Variants in IPO9 observed in about 807,000 individuals in gnomAD.
IPO9 encodes the protein importin 9.
Under a neutral mutation model 128.6 loss-of-function variants are expected in IPO9, and 28 were observed. The ratio of observed to expected loss-of-function variants is 0.22; its 90% CI spans 0.16 to 0.30. The LOEUF (loss-of-function observed/expected upper bound fraction) is 0.30, where lower values mean the gene tolerates loss of function less well. IPO9 is among the 10% of genes least tolerant of loss of function. The probability of loss-of-function intolerance (pLI) is 1.00; values close to 1 mark genes in which losing one functional copy is unlikely to be tolerated. For missense variants in IPO9, 935 were observed against 1,293.9 expected, an observed-to-expected ratio of 0.72 and a Z score of 4.26; for synonymous variants, 455 against 475.8, an observed-to-expected ratio of 0.96 and a Z score of 0.57.
rs752998243 is a variant in IPO9, at chr1:201,866,717, A to C, written c.1629-16A>C. 80 of 1,583,958 alleles carry C rather than the reference A, an allele frequency of 5.1e-5. No individual in the cohort carries two copies. The highest frequency in any genetic ancestry group is 6.7e-5 in the Non-Finnish European group (77 of 1,153,272). ...GAATTTTTTTTAATAATTCTTGCTTATCTATCTCTCTCTAGTTATTGTGAC... is the reference window on the plus strand; with the variant it reads ...GAATTTTTTTTAATAATTCTTGCTTCTCTATCTCTCTCTAGTTATTGTGAC... On this transcript the variant is annotated splice_polypyrimidine_tract_variant and intron_variant, in intron 14 of 23. Transcript: ENST00000361565.
At chr1:201,835,127 G>A (rs541773757) in intron 1 of IPO9, 1 of 152,338 alleles carries the variant, frequency 6.6e-6, no homozygotes, top group East Asian at 1.9e-4. Context: ...CAACTCCCAT[G>A]AGAAATAGGG....
At chr1:201,850,493 G>C (rs1467496735) in intron 4 of IPO9, 1 of 152,150 alleles carries the variant, frequency 6.6e-6, no homozygotes, top group Non-Finnish European at 1.5e-5. Context: ...TGCAAATATA[G>C]CAGCTAAGGA....
At chr1:201,864,038 C>G (rs1412776225) in intron 14 of IPO9, among the ~76,000 whole-genome samples, 1 of 135,452 alleles carries the variant, frequency 7.4e-6, no homozygotes, top group Non-Finnish European at 1.7e-5. Flanking sequence ...CCCAGTTTTA[C>G]CTATCTTTTT....
At chr1:201,848,138 A>C (rs1680153192) in intron 3 of IPO9, among the ~76,000 whole-genome samples, 1 of 152,212 alleles carries the variant, frequency 6.6e-6, no homozygotes, top group Non-Finnish European at 1.5e-5. Context: ...GGGCTAGTGC[A>C]ACTGAGGAAC....
chr1:201,854,181 T>G (rs1395916973), intron 6 of IPO9, among the ~76,000 whole-genome samples: 1 of 152,234 alleles, frequency 6.6e-6, no homozygotes, highest in African/African-American at 2.4e-5. Flanking sequence ...CCTGATTGAA[T>G]TTTCAACTTG....
rs10920262 is a variant in IPO9 at position 201,845,025 on chromosome 1, A to C, written c.164-2254A>C. Among the ~76,000 whole-genome samples the C allele has an allele frequency of 5.3e-4, 49 of 93,120 alleles. No individual in the cohort carries two copies. In the South Asian group the frequency reaches 0.013, roughly 24 times the overall value. The allele number at this position is 93,120 out of a possible 152,430, so 61.1% of individuals were successfully genotyped here. On this transcript the variant is annotated intron_variant, in intron 1 of 23. Transcript: ENST00000361565. ...TATTGATACCAGTATTTTTTTTGGG[A>C]GGGGGGGGCGTACAGAGTTTCCCTC...
chr1:201,873,816 T>TG (rs1680706065), intron 20 of IPO9, among the ~76,000 whole-genome samples: 1 of 152,074 alleles, frequency 6.6e-6, no homozygotes, highest in Non-Finnish European at 1.5e-5. Flanking sequence ...TTCAGAAGCG[T>TG]GGGCACAGAT....
Position 201,877,287 on chromosome 1 carries a change from G to A in IPO9, c.*1233G>A, listed in dbSNP as rs767943797. On this transcript the variant is annotated 3_prime_UTR_variant, in exon 24 of 24. Coordinates refer to ENST00000361565, the MANE Select transcript of IPO9 (RefSeq NM_018085.5). ...AGGCTGAGATGGGCGGATCACTTGAGATCAGGAGTTTGAGGCTAGCCTGGC... is the reference window on the plus strand; with the variant it reads ...AGGCTGAGATGGGCGGATCACTTGAAATCAGGAGTTTGAGGCTAGCCTGGC... 1 of 152,168 alleles carries A rather than the reference G, an allele frequency of 6.6e-6. No individual in the cohort carries two copies. The highest frequency in any genetic ancestry group is 1.5e-5 in the Non-Finnish European group (1 of 68,042). The allele number at this position is 152,168 out of a possible 1,614,324, so 9.4% of individuals were successfully genotyped here.
At chr1:201,840,416 A>G (rs1197037740) in intron 1 of IPO9, among the ~76,000 whole-genome samples, 1 of 152,210 alleles carries the variant, frequency 6.6e-6, no homozygotes, top group Admixed American at 6.5e-5. Context: ...AAGACTGGAA[A>G]GATGCTCCTA....
chr1:201,875,028 G>T (rs1188737631), intron 22 of IPO9, 92 bp downstream of exon 22: 2 of 1,331,664 alleles, frequency 1.5e-6, no homozygotes, highest in African/African-American at 1.4e-5. Context: ...GGGAGAGGTG[G>T]GCCCACAGGG....
In IPO9 at chr1:201,882,948, C is replaced by G. The variant is rs569576409; in HGVS notation, c.*6894C>G. On this transcript the variant is annotated 3_prime_UTR_variant, in exon 24 of 24. Coordinates refer to ENST00000361565, the MANE Select transcript of IPO9 (RefSeq NM_018085.5). ...ATTCTTCCTGACTCACTGGATTACA[C>G]TGTGACTCAGTTCAATTTCACACAT... 6.5e-6 allele frequency: 1 copy of G among 152,758 alleles called. No individual in the cohort carries two copies. The highest frequency in any genetic ancestry group is 2.4e-5 in the African/African-American group (1 of 41,562). The allele number at this position is 152,758 out of a possible 1,614,324, so 9.5% of individuals were successfully genotyped here.
chr1:201,854,980 A>G, intron 8 of IPO9, 57 bp downstream of exon 8: 2 of 1,436,266 alleles, frequency 1.4e-6, no homozygotes, highest in Admixed American at 2.1e-5. Context: ...GGAATCTCGC[A>G]CTGGGTTTCA....
At chr1:201,830,296 A>G (rs1339639479) in intron 1 of IPO9, among the ~76,000 whole-genome samples, 1 of 152,196 alleles carries the variant, frequency 6.6e-6, no homozygotes, top group African/African-American at 2.4e-5. Flanking sequence ...CCACCACTTA[A>G]ATACTTCATC....
intron 1 of IPO9, among the ~76,000 whole-genome samples, chr1:201,835,839 G>A (rs978297391): frequency 6.6e-6 from 1 of 152,162 alleles, no homozygotes; most frequent in Non-Finnish European, 1.5e-5. Context: ...GCCGGGCACA[G>A]TGTGGCTCAC....
intron 1 of IPO9, among the ~76,000 whole-genome samples, chr1:201,831,124 T>C (rs1340678222): frequency 6.6e-6 from 1 of 152,148 alleles, no homozygotes; most frequent in Non-Finnish European, 1.5e-5. Context: ...CACCTAGGCC[T>C]CCCAAAGTGC....
intron 4 of IPO9, 112 bp from the exon 5 acceptor site, chr1:201,851,992 T>A (rs1288957464): frequency 6.4e-6 from 4 of 620,478 alleles, no homozygotes; most frequent in Non-Finnish European, 1.1e-5. Flanking sequence ...TGTCTTTACC[T>A]GTGTGCTGTC....
At chr1:201,857,324 G>A (rs1451366851) in intron 11 of IPO9, 130 bp downstream of exon 11, 13 of 634,524 alleles carry the variant, frequency 2.0e-5, no homozygotes, top group Non-Finnish European at 3.4e-5. Context: ...TATTGGGGAT[G>A]CAAGAGAGTT....
chr1:201,861,583 C>T (rs969204894), intron 13 of IPO9, among the ~76,000 whole-genome samples: 17 of 152,286 alleles, frequency 1.1e-4, no homozygotes, highest in African/African-American at 4.1e-4. Flanking sequence ...GTATTTTCAA[C>T]TTACGATGTG....
chr1:201,868,897 A>G, intron 16 of IPO9, 101 bp downstream of exon 16: 3 of 1,393,922 alleles, frequency 2.2e-6, no homozygotes, highest in South Asian at 1.7e-5. Context: ...TTAGAGATTC[A>G]TGGGGTGATT....
Sources: allele counts gnomAD v4.1 joint callset (sites outside exome capture counted in the v4.1 genomes callset), GRCh38; gene constraint gnomAD v4.1.1; transcripts MANE v1.5; gene names NCBI Gene and HGNC (gene_info 2026-07-23, HGNC 2026-07-21).